The following PDYN variants were observed in gnomAD, a reference collection of about 807,000 sequenced individuals.
The protein encoded by PDYN is proenkephalin-B.
In PDYN, 5 loss-of-function variants were observed where a neutral mutation model predicts 11.4. That is an observed-to-expected ratio of 0.44 (90% CI 0.23 to 0.92). The LOEUF is 0.92. Ranked by LOEUF, PDYN falls within the 40% of genes least tolerant of loss-of-function variation. The pLI is 0.24. For missense variants in PDYN, 337 were observed against 317.3 expected (o/e 1.06, Z -0.47); for synonymous variants, 132 against 129.5 (o/e 1.02, Z -0.13).
At chr20:1,993,500 T>C (rs1167677889) in intron 1 of PDYN, among the ~76,000 whole-genome samples, 1 of 152,238 alleles carries the variant, frequency 6.6e-6, no homozygotes, top group Non-Finnish European at 1.5e-5. Context: ...GCCATTGTTC[T>C]CTAAGTCCAG....
intron 2 of PDYN, among the ~76,000 whole-genome samples, chr20:1,990,279 A>G (rs1398896940): frequency 6.6e-6 from 1 of 152,160 alleles, no homozygotes; most frequent in Non-Finnish European, 1.5e-5. Context: ...GCCACAAACC[A>G]TCCTGAGGCC....
intron 2 of PDYN, among the ~76,000 whole-genome samples, chr20:1,985,207 C>T (rs910409603): frequency 3.3e-5 from 5 of 152,136 alleles, no homozygotes; most frequent in Non-Finnish European, 5.9e-5. Flanking sequence ...CAGAACCCCA[C>T]GCTGTAGCCA....
chr20:1,990,757 G>A (rs1433790632), intron 2 of PDYN, among the ~76,000 whole-genome samples: 1 of 151,832 alleles, frequency 6.6e-6, no homozygotes, highest in African/African-American at 2.4e-5. Context: ...GGGGAGAAAG[G>A]CAAAAAGAGG....
chr20:1,988,022 C>T (rs1171674592), intron 2 of PDYN, among the ~76,000 whole-genome samples: 15 of 152,180 alleles, frequency 9.9e-5, no homozygotes, highest in Non-Finnish European at 1.8e-4. Context: ...CTGCCGTGGA[C>T]GGAGGGCCTG....
intron 2 of PDYN, among the ~76,000 whole-genome samples, chr20:1,986,565 C>T (rs566156146): frequency 6.6e-6 from 1 of 152,352 alleles, no homozygotes; most frequent in South Asian, 2.1e-4. Flanking sequence ...CTAGTGCTCC[C>T]TGTGTGCCTG....
At chr20:1,986,987 C>T (rs1300500237) in intron 2 of PDYN, among the ~76,000 whole-genome samples, 1 of 152,226 alleles carries the variant, frequency 6.6e-6, no homozygotes, top group African/African-American at 2.4e-5. Context: ...TGAGCTCCCA[C>T]GGCCTCCTAT....
At position 1,979,291 on chromosome 20, in the gene PDYN, G is replaced by A. The variant is rs1987563870; in HGVS notation, c.*1032C>T. ...TGGAGTCCCTTACCCAATGCCCAGTGCGTATGTTGGGCCAGATGGCTTGGA... is the reference window on the plus strand; with the variant it reads ...TGGAGTCCCTTACCCAATGCCCAGTACGTATGTTGGGCCAGATGGCTTGGA... On this transcript the variant is annotated 3_prime_UTR_variant, in exon 4 of 4. Transcript: ENST00000217305. 1 of 152,852 alleles carries A rather than the reference G, an allele frequency of 6.5e-6. No homozygotes were observed. The highest frequency in any genetic ancestry group is 2.4e-5 in the African/African-American group (1 of 41,430). The allele number at this position is 152,852 out of a possible 1,614,324, so 9.5% of individuals were successfully genotyped here. A position where few individuals can be genotyped will look rare whatever the true frequency, so the allele number is the denominator to read the frequency against.
chr20:1,980,506 G>C lies in PDYN; in HGVS notation c.582C>G (p.Asp194Glu). 1.2e-6 allele frequency: 2 copies of C among 1,612,474 alleles called. No individual in the cohort carries two copies. The highest frequency in any genetic ancestry group is 2.2e-5 in the East Asian group (1 of 44,842). ...KRSSEVAGEG[D>E]GDSMGHEDLY... ...GGTCCTCATGGCCCATGCTATCCCCGTCCCCCTCCCCAGCCACCTCTGAGC... is the reference window on the plus strand; with the variant it reads ...GGTCCTCATGGCCCATGCTATCCCCCTCCCCCTCCCCAGCCACCTCTGAGC... The change falls in exon 4 of 4, where the codon GAC (aspartate) becomes GAG (glutamate). Residue 194 changes from aspartate to glutamate, a missense_variant. Coordinates refer to ENST00000217305, the MANE Select transcript of PDYN (RefSeq NM_024411.5).
rs773513924 is a variant in PDYN at position 1,980,605 on chromosome 20, G to C, written c.483C>G (p.Leu161=). Residue 161 remains leucine (L), a synonymous_variant, in exon 4 of 4, where the codon CTC becomes CTG. Coordinates refer to ENST00000217305, the MANE Select transcript of PDYN (RefSeq NM_024411.5). ...CCTTGGGGTCCTCCTCAGCGAGATAGAGTGTGCCAGTCTCCATGGCACCAT... is the reference window on the plus strand; with the variant it reads ...CCTTGGGGTCCTCCTCAGCGAGATACAGTGTGCCAGTCTCCATGGCACCAT... ...LNDGAMETGT[L]YLAEEDPKEQ... is the part of the protein sequence containing the mutation. The C allele has an allele frequency of 1.5e-5, 24 of 1,614,158 alleles. No homozygotes were observed. The Admixed American group carries it at 4.0e-4, about 27-fold the overall frequency.
At position 1,980,806 on chromosome 20, in the gene PDYN, C is replaced by A. The variant is rs753554599; in HGVS notation, c.282G>T (p.Glu94Asp). ...GGAATGACCCAGAGAGCTTGGCCAG[C>A]TCACTGTAGGGCCCTTCCCCAACCG... ...SKSVGEGPYS[E>D]LAKLSGSFLK... Residue 94 changes from glutamate to aspartate, a missense_variant, in exon 4 of 4, where the codon GAG (glutamate) becomes GAT (aspartate). Physicochemically the swap from Glu to Asp is conservative, Grantham distance 45. Transcript: ENST00000217305. 1 of 1,614,214 alleles carries A rather than the reference C, an allele frequency of 6.2e-7. No individual in the cohort carries two copies. Among genetic ancestry groups the A allele is most frequent in the Admixed American group, 1.7e-5 (1 of 60,030 alleles).
chr20:1,990,301 C>T (rs898920073), intron 2 of PDYN, among the ~76,000 whole-genome samples: 3 of 152,170 alleles, frequency 2.0e-5, no homozygotes, highest in Non-Finnish European at 2.9e-5. Flanking sequence ...AAATATGTAT[C>T]GAGTGTCTTT....
rs142326004 is a variant in PDYN, at chr20:1,991,714, G to A, written c.-20+870C>T. Among the ~76,000 whole-genome samples, 24 of 152,290 alleles carry A rather than the reference G, an allele frequency of 1.6e-4. No homozygotes were observed. In the East Asian group the frequency reaches 1.7e-3, roughly 11 times the overall value. On this transcript the variant is annotated intron_variant, in intron 2 of 3. Coordinates refer to ENST00000217305, the MANE Select transcript of PDYN (RefSeq NM_024411.5). ...ACTTTGTCAGGCATGCATTGAAATC[G>A]AACCAGTAACTATTGATCTCTCTTA...
chr20:1,981,105 G>T (rs1367781176), intron 3 of PDYN, 147 bp from the exon 4 acceptor site: 1 of 851,460 alleles, frequency 1.2e-6, no homozygotes, highest in South Asian at 1.5e-5. Context: ...TACTGGTGGT[G>T]CATAAAGGTA....
rs1987662137 is a variant in PDYN, at chr20:1,980,384, T to C, written c.704A>G (p.Lys235Arg). 1 of 1,614,054 alleles carries C rather than the reference T, an allele frequency of 6.2e-7. No individual in the cohort carries two copies. Residue 235 changes from lysine (K) to arginine (R), a missense_variant, in exon 4 of 4, where the codon AAG (lysine) becomes AGG (arginine). Coordinates refer to ENST00000217305, the MANE Select transcript of PDYN (RefSeq NM_024411.5). ...ATCTTCCTGAGACCGAGTCACCACC[T>C]TGAACTGGCGCCGGAGAAAACCGCC... ...RYGGFLRRQF[K>R]VVTRSQEDPN...
chr20:1,979,049 A>C lies in PDYN; in HGVS notation c.*1274T>G, dbSNP rs886056529. On this transcript the variant is annotated 3_prime_UTR_variant, in exon 4 of 4. Coordinates refer to ENST00000217305, the MANE Select transcript of PDYN (RefSeq NM_024411.5). The stretch of plus-strand genomic sequence containing the variant: ...AAAAGAGAGTGCCTGGGAATGAGAG[A>C]GCAAAAGAGAGACAGACAGACAGGG... 1 of 152,176 alleles carries C rather than the reference A, an allele frequency of 6.6e-6. No individual in the cohort carries two copies. Among genetic ancestry groups the C allele is most frequent in the South Asian group, 2.1e-4 (1 of 4,828 alleles). 9.4% of individuals were successfully genotyped at this position (152,176 alleles called of 1,614,324 possible). A position where few individuals can be genotyped will look rare whatever the true frequency, so the allele number is the denominator to read the frequency against.
At chr20:1,987,428 C>G (rs896925891) in intron 2 of PDYN, among the ~76,000 whole-genome samples, 1 of 152,142 alleles carries the variant, frequency 6.6e-6, no homozygotes, top group Admixed American at 6.5e-5. Flanking sequence ...AACAAAAGGC[C>G]TGGGGACATT....
intron 2 of PDYN, among the ~76,000 whole-genome samples, chr20:1,987,654 A>C (rs1037535588): frequency 6.6e-6 from 1 of 152,140 alleles, no homozygotes; most frequent in Admixed American, 6.6e-5. Flanking sequence ...TTCTTTCCTG[A>C]CCCCGAAGCA....
At chr20:1,990,844 G>C (rs1453649850) in intron 2 of PDYN, among the ~76,000 whole-genome samples, 2 of 151,902 alleles carry the variant, frequency 1.3e-5, no homozygotes, top group Non-Finnish European at 2.9e-5. Flanking sequence ...TATAGACACA[G>C]AGAAAAAGAC....
intron 2 of PDYN, among the ~76,000 whole-genome samples, chr20:1,991,717 C>A (rs1381003668): frequency 6.6e-6 from 1 of 152,138 alleles, no homozygotes; most frequent in Non-Finnish European, 1.5e-5. Flanking sequence ...TGAAATCGAA[C>A]CAGTAACTAT....
Sources: allele counts gnomAD v4.1 joint callset (sites outside exome capture counted in the v4.1 genomes callset), GRCh38; gene constraint gnomAD v4.1.1; transcripts MANE v1.5; gene names NCBI Gene and HGNC (gene_info 2026-07-23, HGNC 2026-07-21).